Variants in KIF1A observed in about 807,000 individuals in gnomAD.
KIF1A encodes the protein kinesin-like protein KIF1A.
A neutral mutation model predicts 227.3 loss-of-function variants in KIF1A; 46 were observed. The ratio of observed to expected loss-of-function variants is 0.20; its 90% CI spans 0.16 to 0.26. KIF1A has a LOEUF of 0.26. KIF1A is among the 10% of genes least tolerant of loss of function. KIF1A has a pLI of 1.00. For missense variants in KIF1A, 1,683 were observed against 2,485.9 expected (o/e 0.68, Z 6.87); for synonymous variants, 1,022 against 1,012.8 (o/e 1.01, Z -0.17).
intron 46 of KIF1A, 140 bp downstream of exon 46, chr2:240,719,634 T>A: frequency 9.8e-7 from 1 of 1,017,792 alleles, no homozygotes; most frequent in Non-Finnish European, 1.4e-6. Context: ...TGCCTGAACC[T>A]CCAGTATGGG....
intron 45 of KIF1A, 113 bp from the exon 46 acceptor site, chr2:240,720,039 G>A (rs760037264): frequency 2.5e-4 from 268 of 1,057,352 alleles, no homozygotes; most frequent in East Asian, 4.1e-4. Flanking sequence ...GGGCACCTTC[G>A]CAGGGTCTCT....
intron 1 of KIF1A, among the ~76,000 whole-genome samples, chr2:240,810,511 A>G (rs1407760423): frequency 6.6e-6 from 1 of 152,166 alleles, no homozygotes; most frequent in Non-Finnish European, 1.5e-5. Flanking sequence ...TAACATGGTA[A>G]CATCTGGAGG....
At chr2:240,750,398 A>G (rs1299548924) in intron 28 of KIF1A, 31 bp downstream of exon 28, 1 of 1,548,620 alleles carries the variant, frequency 6.5e-7, no homozygotes, top group Non-Finnish European at 8.9e-7. Flanking sequence ...AGGGGCTCCA[A>G]TGCCACACAC....
chr2:240,774,130 A>G lies in KIF1A; in HGVS notation c.1037+53T>C, dbSNP rs2052407084. 4.2e-6 allele frequency: 5 copies of G among 1,196,804 alleles called. No homozygotes were observed. The Admixed American group carries it at 9.2e-5, about 22-fold the overall frequency. The allele number at this position is 1,196,804 out of a possible 1,614,324, so 74.1% of individuals were successfully genotyped here. A position where few individuals can be genotyped will look rare whatever the true frequency, so the allele number is the denominator to read the frequency against. ...TCCTAATTCAAGCACGAGAGGATCC[A>G]TCCCCCAAGACCAGGGAGCGGGAAG... On this transcript the variant is annotated intron_variant, in intron 12 of 48. Coordinates refer to ENST00000498729, the MANE Select transcript of KIF1A (RefSeq NM_001244008.2).
Position 240,792,032 on chromosome 2 carries a change from C to T in KIF1A, c.107-2720G>A, listed in dbSNP as rs1248796825. On this transcript the variant is annotated intron_variant, in intron 2 of 48. Transcript: ENST00000498729. The surrounding 1 kb of genome is among the most constrained non-coding windows in gnomAD (Gnocchi z 4.5). ...ACCCCACCCTGGCCCTGCCACCCCT[C>T]CCACACCCTGTGCTGTGGCTGGGAA... is the stretch of plus-strand genomic sequence containing the variant. Among the ~76,000 whole-genome samples, 1 of 151,840 alleles carries T rather than the reference C, an allele frequency of 6.6e-6. No individual in the cohort carries two copies. The highest frequency in any genetic ancestry group is 6.5e-5 in the Admixed American group (1 of 15,278).
At position 240,740,723 on chromosome 2, in the gene KIF1A, C is replaced by A. The variant is rs1279839529; in HGVS notation, c.3750-359G>T. ...CCAGAGGATCCAGAGGAAATCCCAG[C>A]AGATGGGCTCGTCTTCTCCAACATC... On this transcript the variant is annotated intron_variant, in intron 35 of 48. Coordinates refer to ENST00000498729, the MANE Select transcript of KIF1A (RefSeq NM_001244008.2). The surrounding 1 kb of genome is among the most constrained non-coding windows in gnomAD (Gnocchi z 6.1). Among the ~76,000 whole-genome samples, 1 of 152,062 alleles carries A rather than the reference C, an allele frequency of 6.6e-6. No homozygotes were observed. Among genetic ancestry groups the A allele is most frequent in the African/African-American group, 2.4e-5 (1 of 41,396 alleles).
Position 240,758,182 on chromosome 2 carries a change from G to T in KIF1A, c.2582+178C>A, listed in dbSNP as rs2050097281. ...CCCCTGAAATAACAGGCCCTGTGGT[G>T]TGTGGAGAGGAATGGCTGGGAGGAA... On this transcript the variant is annotated intron_variant, in intron 26 of 48. Coordinates refer to ENST00000498729, the MANE Select transcript of KIF1A (RefSeq NM_001244008.2). The surrounding 1 kb of genome is among the most constrained non-coding windows in gnomAD (Gnocchi z 5.2). Among the ~76,000 whole-genome samples the T allele has an allele frequency of 6.6e-6, 1 of 152,216 alleles. No homozygotes were observed. Among genetic ancestry groups the T allele is most frequent in the Non-Finnish European group, 1.5e-5 (1 of 68,020 alleles).
intron 38 of KIF1A, among the ~76,000 whole-genome samples, chr2:240,729,946 G>A (rs1423090998): frequency 1.3e-5 from 2 of 152,192 alleles, no homozygotes; most frequent in Non-Finnish European, 2.9e-5. Flanking sequence ...CCAAACTGCT[G>A]GTCAGCCCCA....
rs117204270 is a variant in KIF1A at position 240,800,853 on chromosome 2, G to A, written c.-60-3041C>T. Reference sequence around the variant, plus strand: ...ACACCAGGCTCTGGCTGAAAGCCCAGCAAGGTACGAAACCTAAGAGCAGGG... The same window carrying A: ...ACACCAGGCTCTGGCTGAAAGCCCAACAAGGTACGAAACCTAAGAGCAGGG... On this transcript the variant is annotated intron_variant, in intron 1 of 48. Transcript: ENST00000498729. 9.3e-4 allele frequency among the ~76,000 whole-genome samples: 142 copies of A among 152,336 alleles called. 3 individuals are homozygous for A. The South Asian group carries it at 0.018, about 20-fold the overall frequency.
intron 10 of KIF1A, among the ~76,000 whole-genome samples, chr2:240,781,395 A>C (rs1241477366): frequency 4.2e-5 from 2 of 47,470 alleles, no homozygotes; most frequent in Non-Finnish European, 7.7e-5. Context: ...ACACAGCTCC[A>C]CACACACACA....
intron 19 of KIF1A, 119 bp from the exon 20 acceptor site, chr2:240,765,912 G>A: frequency 1.4e-6 from 1 of 722,402 alleles, no homozygotes; most frequent in Non-Finnish European, 2.4e-6. Context: ...TCTTTTCCCT[G>A]CTACACAGGC....
intron 1 of KIF1A, among the ~76,000 whole-genome samples, chr2:240,811,844 A>ACAC (rs2057891300): frequency 6.6e-6 from 1 of 152,188 alleles, no homozygotes; most frequent in African/African-American, 2.4e-5. Flanking sequence ...CATAGAGGCA[A>ACAC]CACCACGGGT....
At chr2:240,800,091 G>C (rs2056824677) in intron 1 of KIF1A, among the ~76,000 whole-genome samples, 1 of 146,504 alleles carries the variant, frequency 6.8e-6, no homozygotes, top group South Asian at 2.2e-4. Flanking sequence ...AACAGACTAA[G>C]CATGTCCAAA....
At chr2:240,721,138 T>C in intron 44 of KIF1A, 100 bp from the exon 45 acceptor site, 1 of 1,457,052 alleles carries the variant, frequency 6.9e-7, no homozygotes, top group East Asian at 2.5e-5. Flanking sequence ...CACCTGCTGC[T>C]TAGGGCACCC....
chr2:240,773,036 G>C (rs1575603392), intron 13 of KIF1A, 78 bp downstream of exon 13: 29 of 1,443,166 alleles, frequency 2.0e-5, no homozygotes, highest in Non-Finnish European at 2.4e-5. Flanking sequence ...CCCCAGGAGA[G>C]AGGATGTGAT....
Position 240,789,608 on chromosome 2 carries a change from G to GTTTCTGCCTTT in KIF1A, c.107-297_107-296insAAAGGCAGAAA. Among the ~76,000 whole-genome samples the GTTTCTGCCTTT allele has an allele frequency of 6.6e-6, 1 of 152,266 alleles. No homozygotes were observed. Among genetic ancestry groups the GTTTCTGCCTTT allele is most frequent in the Non-Finnish European group, 1.5e-5 (1 of 68,002 alleles). The stretch of plus-strand genomic sequence containing the variant: ...GCTCCCCTCAAAGGCAGCCACCCGG[G>GTTTCTGCCTTT]GAGGATCCTTCCCACCTGCAAGCTG... On this transcript the variant is annotated intron_variant, in intron 2 of 48. Coordinates refer to ENST00000498729, the MANE Select transcript of KIF1A (RefSeq NM_001244008.2). The surrounding 1 kb of genome is among the most constrained non-coding windows in gnomAD (Gnocchi z 4.8).
chr2:240,775,795 GCACAGCC>G lies in KIF1A; in HGVS notation c.958+49_958+55del. 1 of 1,202,238 alleles carries G rather than the reference GCACAGCC, an allele frequency of 8.3e-7. No homozygotes were observed. The highest frequency in any genetic ancestry group is 1.7e-5 in the Admixed American group (1 of 59,128). The allele number at this position is 1,202,238 out of a possible 1,614,324, so 74.5% of individuals were successfully genotyped here. A position where few individuals can be genotyped will look rare whatever the true frequency, so the allele number is the denominator to read the frequency against. ...GGCACCCCCTCAGTGGGGAAGAAGG[GCACAGCC>G]CAGGGTGGGATCAGAGCCCTGGGGA... On this transcript the variant is annotated intron_variant, in intron 11 of 48. Transcript: ENST00000498729. The surrounding 1 kb of genome is among the most constrained non-coding windows in gnomAD (Gnocchi z 5.5).
At position 240,790,711 on chromosome 2, in the gene KIF1A, T is replaced by G. The variant is rs1358668777; in HGVS notation, c.107-1399A>C. ...TGCCATGTCCTTATAAAAGAGGAGA[T>G]TTGGAGACAGGGAGGGTGCCATGAG... On this transcript the variant is annotated intron_variant, in intron 2 of 48. Coordinates refer to ENST00000498729, the MANE Select transcript of KIF1A (RefSeq NM_001244008.2). This position sits in a 1 kb window ranked among gnomAD's most constrained non-coding sequence, Gnocchi z 5.0. 1.3e-5 allele frequency among the ~76,000 whole-genome samples: 2 copies of G among 151,836 alleles called. No homozygotes were observed. The highest frequency in any genetic ancestry group is 2.9e-5 in the Non-Finnish European group (2 of 67,974).
chr2:240,767,411 C>A (rs1575596115), intron 17 of KIF1A, 66 bp from the exon 18 acceptor site: 4 of 1,314,950 alleles, frequency 3.0e-6, no homozygotes, highest in African/African-American at 2.9e-5. Flanking sequence ...GCCACACCCC[C>A]CTCCAACCTC....
Sources: gnomAD v4.1 joint callset for allele counts (sites outside exome capture counted in the v4.1 genomes callset) on GRCh38, gnomAD v4.1.1 for gene constraint, Gnocchi (gnomAD v3.1) non-coding constraint, MANE v1.5 for transcripts, NCBI Gene and HGNC (gene_info 2026-07-23, HGNC 2026-07-21) for gene names.